The following SKIC3 variants were observed in gnomAD, a reference collection of about 807,000 sequenced individuals.
SKIC3 encodes SKI3 subunit of superkiller complex.
At chr5:95,520,520 A>C in the SKIC3 span, among the ~76,000 whole-genome samples, 1,367 of 147,938 alleles carry the variant, frequency 9.2e-3, 16 homozygotes, top group African/African-American at 0.033. Context: ...TACTAAGAGC[A>C]GAAGAAATTA....
the SKIC3 span, chr5:95,502,849 C>G: frequency 6.2e-7 from 1 of 1,610,462 alleles, no homozygotes; most frequent in Middle Eastern, 1.8e-4. Context: ...AGTATCTGGT[C>G]ATGTTAAGTG....
At chr5:95,514,994 A>G in the SKIC3 span, 1 of 1,467,202 alleles carries the variant, frequency 6.8e-7, no homozygotes, top group South Asian at 1.2e-5. Context: ...ATGTTTAAAA[A>G]GCATAAAATA....
At chr5:95,515,549 C>T in the SKIC3 span, among the ~76,000 whole-genome samples, 2 of 152,174 alleles carry the variant, frequency 1.3e-5, no homozygotes, top group African/African-American at 4.8e-5. Context: ...AAAAAGTAAG[C>T]TCATGGGCAA....
At chr5:95,525,586 C>A in the SKIC3 span, 1 of 1,613,968 alleles carries the variant, frequency 6.2e-7, no homozygotes, top group African/African-American at 1.3e-5. Flanking sequence ...AAAAAGCCAA[C>A]CTTTGCAGCT....
chr5:95,480,953 G>C, the SKIC3 span, among the ~76,000 whole-genome samples: 6 of 152,018 alleles, frequency 3.9e-5, no homozygotes, highest in East Asian at 1.9e-4. Context: ...GTTTTGGGGT[G>C]GGGGGAGTCA....
chr5:95,546,840 A>C, the SKIC3 span: 1 of 546,946 alleles, frequency 1.8e-6, no homozygotes, highest in Non-Finnish European at 3.3e-6. Context: ...TCAGGTTTTA[A>C]GAACTTGGTT....
the SKIC3 span, chr5:95,514,771 G>A: frequency 1.1e-4 from 159 of 1,415,746 alleles, no homozygotes; most frequent in Middle Eastern, 4.8e-4. Context: ...AATGCTATCC[G>A]TTACCATTAT....
the SKIC3 span, chr5:95,464,095 T>C: frequency 0.24 from 37,418 of 156,944 alleles, 5,857 homozygotes; most frequent in African/African-American, 0.44. Flanking sequence ...TCAACAGAAT[T>C]GGAGATGAAT....
chr5:95,528,282 A>G, the SKIC3 span: 1 of 1,087,830 alleles, frequency 9.2e-7, no homozygotes, highest in Non-Finnish European at 1.4e-6. Flanking sequence ...TACATGAAGA[A>G]TAACTCAAAG....
chr5:95,490,625 G>A, the SKIC3 span, among the ~76,000 whole-genome samples: 2 of 151,544 alleles, frequency 1.3e-5, no homozygotes, highest in African/African-American at 2.4e-5. Flanking sequence ...AGCCTCCAGA[G>A]TAGCTAGGAC....
the SKIC3 span, chr5:95,537,067 C>T: frequency 3.1e-6 from 5 of 1,613,514 alleles, no homozygotes; most frequent in Non-Finnish European, 4.2e-6. Context: ...GAATGAAATG[C>T]CTATAAAGTA....
At chr5:95,468,671 G>T in the SKIC3 span, among the ~76,000 whole-genome samples, 1 of 152,198 alleles carries the variant, frequency 6.6e-6, no homozygotes, top group East Asian at 1.9e-4. Context: ...TTAGTTTGAA[G>T]CAGGAACTAA....
chr5:95,480,831 T>C, the SKIC3 span, among the ~76,000 whole-genome samples: 25 of 152,196 alleles, frequency 1.6e-4, no homozygotes, highest in Non-Finnish European at 3.1e-4. Context: ...CAAATGAATC[T>C]CACAGACATC....
chr5:95,497,612 G>A, the SKIC3 span: 10 of 703,240 alleles, frequency 1.4e-5, no homozygotes, highest in African/African-American at 5.4e-5. Context: ...TATTAATTGC[G>A]CATGTTTGGT....
chr5:95,525,495 C>T, the SKIC3 span: 1 of 1,613,946 alleles, frequency 6.2e-7, no homozygotes, highest in Non-Finnish European at 8.5e-7. Context: ...AGAAGGTCTT[C>T]CATAATCTAT....
the SKIC3 span, among the ~76,000 whole-genome samples, chr5:95,486,209 C>T: frequency 1.3e-5 from 2 of 152,192 alleles, no homozygotes; most frequent in African/African-American, 4.8e-5. Flanking sequence ...TGCAGCCCAA[C>T]AGCCCCTGTA....
chr5:95,537,072 A>C, the SKIC3 span: 3 of 1,613,642 alleles, frequency 1.9e-6, no homozygotes, highest in South Asian at 3.3e-5. Context: ...AAATGCCTAT[A>C]AAGTACTTGG....
chr5:95,493,373 G>T, the SKIC3 span, among the ~76,000 whole-genome samples: 2 of 152,086 alleles, frequency 1.3e-5, no homozygotes, highest in African/African-American at 4.8e-5. Context: ...CCTAATCTGG[G>T]CAATCTCACC....
the SKIC3 span, among the ~76,000 whole-genome samples, chr5:95,476,106 T>A: frequency 6.6e-6 from 1 of 152,234 alleles, no homozygotes; most frequent in Non-Finnish European, 1.5e-5. Flanking sequence ...GGACTGGCCC[T>A]GCAAAGGGAG....
Sources: gnomAD v4.1 joint callset for allele counts (sites outside exome capture counted in the v4.1 genomes callset) on GRCh38, gnomAD v4.1.1 for gene constraint, MANE v1.5 for transcripts, NCBI Gene and HGNC (gene_info 2026-07-23, HGNC 2026-07-21) for gene names.